The following DIAPH3 variants were observed in gnomAD, a reference collection of about 807,000 sequenced individuals.
DIAPH3 encodes the protein protein diaphanous homolog 3.
In DIAPH3, 117 loss-of-function variants were observed where a neutral mutation model predicts 144.3. The ratio of observed to expected loss-of-function variants is 0.81; its 90% CI spans 0.70 to 0.95. The LOEUF is 0.95. Among genes scored for constraint, DIAPH3 ranks in the 40% least tolerant of loss-of-function variants. The pLI is 0.00. For missense variants in DIAPH3, 1,421 were observed against 1,412.7 expected (o/e 1.01, Z -0.09); for synonymous variants, 519 against 488.9 (o/e 1.06, Z -0.81).
intron 2 of DIAPH3, among the ~76,000 whole-genome samples, chr13:60,128,861 GA>G (rs1315750886): frequency 5.8e-4 from 88 of 151,888 alleles, no homozygotes; most frequent in Non-Finnish European, 5.9e-5. Flanking sequence ...ATTTTGCTTA[GA>G]AATGTTAAAT....
chr13:59,874,886 T>C (rs2044515310), intron 21 of DIAPH3, among the ~76,000 whole-genome samples: 1 of 152,208 alleles, frequency 6.6e-6, no homozygotes, highest in East Asian at 1.9e-4. Flanking sequence ...ACTCAGAAAT[T>C]ATACATCTTA....
chr13:59,761,075 G>A lies in DIAPH3; in HGVS notation c.3319+13114C>T, dbSNP rs1779672797. ...TTCTAATTTACTTGGGAATCAATGAGACATTATAGCATTCTTAATGCATGT... is the reference window on the plus strand; with the variant it reads ...TTCTAATTTACTTGGGAATCAATGAAACATTATAGCATTCTTAATGCATGT... On this transcript the variant is annotated intron_variant, in intron 27 of 27. Coordinates refer to ENST00000400324, the MANE Select transcript of DIAPH3 (RefSeq NM_001042517.2). Among the ~76,000 whole-genome samples, 3 of 152,110 alleles carry A rather than the reference G, an allele frequency of 2.0e-5. No homozygotes were observed. The South Asian group carries it at 6.2e-4, about 32-fold the overall frequency.
intron 1 of DIAPH3, among the ~76,000 whole-genome samples, chr13:60,137,148 T>A (rs2059305554): frequency 6.6e-6 from 1 of 152,168 alleles, no homozygotes; most frequent in African/African-American, 2.4e-5. Context: ...ATGTTTTCTG[T>A]TAATGACAGT....
chr13:59,989,728 G>C (rs1156599261), intron 12 of DIAPH3, among the ~76,000 whole-genome samples: 1 of 151,886 alleles, frequency 6.6e-6, no homozygotes, highest in African/African-American at 2.4e-5. Flanking sequence ...ACCCAAAACA[G>C]TTGTGTTTTT....
intron 27 of DIAPH3, among the ~76,000 whole-genome samples, chr13:59,704,200 T>C (rs571771524): frequency 6.6e-6 from 1 of 152,328 alleles, no homozygotes; most frequent in African/African-American, 2.4e-5. Context: ...CCCTTCAAGT[T>C]TCCCTTTTTG....
Position 59,837,100 on chromosome 13 carries a change from A to C in DIAPH3, c.2862+2224T>G, listed in dbSNP as rs2042079177. Among the ~76,000 whole-genome samples the C allele has an allele frequency of 2.0e-5, 3 of 152,020 alleles. No individual in the cohort carries two copies. In the South Asian group the frequency reaches 6.2e-4, roughly 32 times the overall value. On this transcript the variant is annotated intron_variant, in intron 23 of 27. Transcript: ENST00000400324. Reference sequence around the variant, plus strand: ...GAGTGCAATCTAATCTCAGCAAAGAATATTTATGATTATAAGCTTTGTCAA... The same window carrying C: ...GAGTGCAATCTAATCTCAGCAAAGACTATTTATGATTATAAGCTTTGTCAA...
chr13:60,138,875 T>C (rs2059362857), intron 1 of DIAPH3, among the ~76,000 whole-genome samples: 1 of 145,460 alleles, frequency 6.9e-6, no homozygotes, highest in Admixed American at 7.1e-5. Flanking sequence ...AGTCTTCTCT[T>C]AATCATCTTC....
intron 1 of DIAPH3, among the ~76,000 whole-genome samples, chr13:60,138,760 A>G (rs1454731064): frequency 9.4e-6 from 1 of 106,534 alleles, no homozygotes; most frequent in African/African-American, 4.9e-5. Flanking sequence ...GGAAGGAAGG[A>G]GAAGGAGAAG....
intron 1 of DIAPH3, among the ~76,000 whole-genome samples, chr13:60,158,277 A>G (rs1167734427): frequency 6.6e-6 from 1 of 152,234 alleles, no homozygotes; most frequent in Non-Finnish European, 1.5e-5. Flanking sequence ...TCCTTTTTAC[A>G]GAGCAAAGAC....
At chr13:60,079,112 G>A (rs552518688) in intron 4 of DIAPH3, among the ~76,000 whole-genome samples, 5 of 152,158 alleles carry the variant, frequency 3.3e-5, no homozygotes, top group Non-Finnish European at 7.4e-5. Flanking sequence ...AGAAAAAAGG[G>A]CAGAAAAGTT....
chr13:59,994,631 A>G (rs2052073723), intron 9 of DIAPH3, among the ~76,000 whole-genome samples: 1 of 151,926 alleles, frequency 6.6e-6, no homozygotes, highest in South Asian at 2.1e-4. Context: ...ACAGCTGAAT[A>G]AAGTACTAAC....
chr13:59,777,126 G>A (rs541231432), intron 25 of DIAPH3, among the ~76,000 whole-genome samples: 2 of 152,288 alleles, frequency 1.3e-5, no homozygotes, highest in East Asian at 3.9e-4. Flanking sequence ...AGAAATGGCT[G>A]ATTCTAGAAC....
At chr13:59,792,383 T>C (rs912044422) in intron 25 of DIAPH3, among the ~76,000 whole-genome samples, 14 of 152,194 alleles carry the variant, frequency 9.2e-5, no homozygotes, top group Non-Finnish European at 1.9e-4. Context: ...TACCCTCTCA[T>C]TCAGAATAAA....
At chr13:59,981,605 GAAGT>G (rs1406673039) in intron 13 of DIAPH3, among the ~76,000 whole-genome samples, 1 of 150,256 alleles carries the variant, frequency 6.7e-6, no homozygotes, top group African/African-American at 2.4e-5. Context: ...ATACAATGTA[GAAGT>G]AATTCATATG....
chr13:59,983,428 T>G (rs2051160576), intron 13 of DIAPH3, among the ~76,000 whole-genome samples: 1 of 151,594 alleles, frequency 6.6e-6, no homozygotes. Flanking sequence ...TTAATAAAGT[T>G]AACATTTTTA....
At chr13:60,086,401 C>G (rs1438459940) in intron 4 of DIAPH3, among the ~76,000 whole-genome samples, 1 of 152,114 alleles carries the variant, frequency 6.6e-6, no homozygotes, top group Non-Finnish European at 1.5e-5. Context: ...AGAAAATACT[C>G]TTAACAAGAA....
rs181360619 is a variant in DIAPH3 at position 59,969,016 on chromosome 13, T to C, written c.2074+928A>G. ...CATAAGTCTATAGTGAAAAATTTCTTTTTGAAAATTAAAAGGTAATGATTG... is the reference window on the plus strand; with the variant it reads ...CATAAGTCTATAGTGAAAAATTTCTCTTTGAAAATTAAAAGGTAATGATTG... On this transcript the variant is annotated intron_variant, in intron 17 of 27. Transcript: ENST00000400324. 3.8e-3 allele frequency among the ~76,000 whole-genome samples: 583 copies of C among 152,264 alleles called. 1 individual carries two copies. Among genetic ancestry groups the C allele is most frequent in the Non-Finnish European group, 6.3e-3 (428 of 68,018 alleles).
intron 5 of DIAPH3, among the ~76,000 whole-genome samples, chr13:60,032,286 T>TAGTG (rs1257169490): frequency 2.0e-5 from 3 of 152,158 alleles, no homozygotes; most frequent in Non-Finnish European, 4.4e-5. Context: ...CTCAACTAGG[T>TAGTG]AGTGCCCCAC....
At chr13:60,124,726 T>C (rs1378953219) in intron 2 of DIAPH3, among the ~76,000 whole-genome samples, 1 of 152,002 alleles carries the variant, frequency 6.6e-6, no homozygotes, top group Non-Finnish European at 1.5e-5. Context: ...AGGTGGTGTA[T>C]GTCTGTAGTC....
Sources: allele counts gnomAD v4.1 joint callset (sites outside exome capture counted in the v4.1 genomes callset), GRCh38; gene constraint gnomAD v4.1.1; transcripts MANE v1.5; gene names NCBI Gene and HGNC (gene_info 2026-07-23, HGNC 2026-07-21).